ASTN1: variants seen among roughly 807,000 people sequenced by gnomAD.
The protein encoded by ASTN1 is astrotactin-1.
ASTN1 carries 41 observed loss-of-function variants against 140.7 expected under a neutral mutation model. The ratio of observed to expected loss-of-function variants is 0.29; its 90% CI spans 0.23 to 0.38. The LOEUF is 0.38. ASTN1 is among the 10% of genes least tolerant of loss of function. The pLI, the probability that ASTN1 is intolerant of heterozygous loss-of-function variation, is 1.00. For synonymous variants in ASTN1, 640 were observed against 652.2 expected, an observed-to-expected ratio of 0.98 and a Z score of 0.29; for missense variants, 1,479 against 1,678.8, an observed-to-expected ratio of 0.88 and a Z score of 2.08.
At chr1:176,858,598 G>A (rs1158495946), downstream of ASTN1, among the ~76,000 whole-genome samples, 1 of 152,146 alleles carries the variant, frequency 6.6e-6, no homozygotes, top group Non-Finnish European at 1.5e-5. Context: ...TCTTGGCTCT[G>A]AATCATCCTC....
Position 176,864,401 on chromosome 1 carries a change from G to C in ASTN1, c.3768C>G (p.Ser1256Arg). 1.2e-6 allele frequency: 2 copies of C among 1,614,098 alleles called. No homozygotes were observed. Among genetic ancestry groups the C allele is most frequent in the Non-Finnish European group, 1.7e-6 (2 of 1,180,014 alleles). Residue 1256 changes from serine to arginine, a missense_variant, in exon 23 of 23, where the codon AGC becomes AGG. Around this residue, in one of 3 missense-constraint regions of ASTN1, gnomAD observed 746 missense variants for 800.9 expected, o/e 0.93. Coordinates refer to ENST00000361833, the MANE Select transcript of ASTN1 (RefSeq NM_004319.3). ...AGTCAAGTCCGTAGGGTTTGATCTCGCTGTAGCGGCACCCCAGGTACTTGA... is the reference window on the plus strand; with the variant it reads ...AGTCAAGTCCGTAGGGTTTGATCTCCCTGTAGCGGCACCCCAGGTACTTGA... Reference protein sequence around the residue: ...SSLKYLGCRYSEIKPYGLDWA... With the variant: ...SSLKYLGCRYREIKPYGLDWA...
At chr1:177,093,548 T>C (rs993945265) in intron 1 of ASTN1, among the ~76,000 whole-genome samples, 2 of 152,146 alleles carry the variant, frequency 1.3e-5, no homozygotes, top group African/African-American at 4.8e-5. Context: ...AGGGCCACTA[T>C]CTAGAGACTT....
At chr1:176,968,260 T>A (rs1457938000) in intron 8 of ASTN1, among the ~76,000 whole-genome samples, 2 of 152,228 alleles carry the variant, frequency 1.3e-5, no homozygotes, top group African/African-American at 2.4e-5. Context: ...ACACATAGAA[T>A]CATTTGTTAA....
chr1:176,944,033 G>T lies in ASTN1; in HGVS notation c.2250-15C>A, dbSNP rs761653730. 20 of 1,612,364 alleles carry T rather than the reference G, an allele frequency of 1.2e-5. No homozygotes were observed. The highest frequency in any genetic ancestry group is 1.4e-5 in the Non-Finnish European group (17 of 1,179,476). On this transcript the variant is annotated splice_polypyrimidine_tract_variant and intron_variant, in intron 13 of 22. Coordinates refer to ENST00000361833, the MANE Select transcript of ASTN1 (RefSeq NM_004319.3). ...AGTTGTTTTGCCTAGAAAGAGGGTA[G>T]ACCTTCATTTCTGAGTGTTCAGGTG... is the stretch of plus-strand genomic sequence containing the variant.
intron 12 of ASTN1, among the ~76,000 whole-genome samples, chr1:176,948,809 C>T (rs901741272): frequency 1.2e-4 from 18 of 152,136 alleles, no homozygotes; most frequent in Admixed American, 7.2e-4. Flanking sequence ...CACTCTTTCC[C>T]GAGTTTTAAA....
intron 16 of ASTN1, among the ~76,000 whole-genome samples, chr1:176,897,222 C>T (rs891873798): frequency 7.0e-6 from 1 of 143,020 alleles, no homozygotes; most frequent in Non-Finnish European, 1.5e-5. Flanking sequence ...TTTCAGTGAG[C>T]CGAGATCACG....
intron 5 of ASTN1, among the ~76,000 whole-genome samples, chr1:177,025,480 T>C (rs1676060286): frequency 6.6e-6 from 1 of 152,042 alleles, no homozygotes; most frequent in Admixed American, 6.6e-5. Context: ...TTGGCTTTTT[T>C]TTTTCCTGTT....
intron 2 of ASTN1, among the ~76,000 whole-genome samples, chr1:177,055,707 T>C (rs967691621): frequency 1.3e-5 from 2 of 152,204 alleles, no homozygotes; most frequent in African/African-American, 4.8e-5. Context: ...TCTGGTAACA[T>C]ACAATATGCC....
chr1:176,959,600 C>T (rs1301016337), intron 9 of ASTN1, among the ~76,000 whole-genome samples: 1 of 152,132 alleles, frequency 6.6e-6, no homozygotes, highest in East Asian at 1.9e-4. Context: ...TAGAGAGCAG[C>T]CAAGCCACAT....
chr1:176,878,906 C>T (rs988834281), intron 20 of ASTN1, among the ~76,000 whole-genome samples: 1 of 152,138 alleles, frequency 6.6e-6, no homozygotes, highest in Non-Finnish European at 1.5e-5. Context: ...TCTAGGGGCC[C>T]GAGTGAGCCC....
At chr1:176,860,072 A>G (rs911663733), downstream of ASTN1, among the ~76,000 whole-genome samples, 2 of 152,184 alleles carry the variant, frequency 1.3e-5, no homozygotes, top group Non-Finnish European at 2.9e-5. Context: ...TGGTCTCAGC[A>G]CAGTGGCCTT....
At position 177,029,638 on chromosome 1, in the gene ASTN1, A is replaced by C. The variant is rs753290063; in HGVS notation, c.1116T>G (p.Ser372Arg). 4 of 1,613,128 alleles carry C rather than the reference A, an allele frequency of 2.5e-6. No homozygotes were observed. In the East Asian group the frequency reaches 8.9e-5, roughly 36 times the overall value. Residue 372 changes from serine to arginine, a missense_variant, in exon 5 of 23, where the codon AGT becomes AGG. Ser to Arg is a moderately radical substitution (Grantham distance 110). Coordinates refer to ENST00000361833, the MANE Select transcript of ASTN1 (RefSeq NM_004319.3). ...TGCCACCTCTATCATTCCTACCTCT[A>C]CTACGCCTCCTGCTCCTTGAAGGAT... is the stretch of plus-strand genomic sequence containing the variant. ...YTDPSRSRRR[S>R]RVGSPRSPVN... is the part of the protein sequence containing the mutation.
Position 176,862,695 on chromosome 1 carries a change from T to C in ASTN1, c.*1589A>G. On this transcript the variant is annotated 3_prime_UTR_variant, in exon 23 of 23. Coordinates refer to ENST00000361833, the MANE Select transcript of ASTN1 (RefSeq NM_004319.3). ...TGTATAACCTCTCTTTGCCTCGTTT[T>C]CCTCAACACTAAAATGGAGACAAGA... 1.1e-6 allele frequency: 1 copy of C among 907,196 alleles called. No individual in the cohort carries two copies. Among genetic ancestry groups the C allele is most frequent in the South Asian group, 5.1e-5 (1 of 19,706 alleles). 56.2% of individuals were successfully genotyped at this position (907,196 alleles called of 1,614,324 possible). A position where few individuals can be genotyped will look rare whatever the true frequency, so the allele number is the denominator to read the frequency against.
intron 1 of ASTN1, among the ~76,000 whole-genome samples, chr1:177,113,766 C>G (rs1240000974): frequency 6.6e-6 from 1 of 152,166 alleles, no homozygotes; most frequent in Non-Finnish European, 1.5e-5. Flanking sequence ...GTTACATGCC[C>G]TGCACAAACA....
At chr1:176,946,239 A>C in intron 12 of ASTN1, 119 bp from the exon 13 acceptor site, 2 of 981,820 alleles carry the variant, frequency 2.0e-6, no homozygotes, top group Non-Finnish European at 1.4e-6. Context: ...CAAAGATTAG[A>C]TTTCCAAGTT....
chr1:177,112,523 T>C (rs1267139044), intron 1 of ASTN1, among the ~76,000 whole-genome samples: 6 of 152,324 alleles, frequency 3.9e-5, no homozygotes, highest in South Asian at 2.1e-4. Flanking sequence ...AAGGCAGATA[T>C]GGGTAATGAG....
At chr1:177,037,815 C>T (rs6688052) in intron 2 of ASTN1, among the ~76,000 whole-genome samples, 3,580 of 152,136 alleles carry the variant, frequency 0.024, 143 homozygotes, top group African/African-American at 0.078. Context: ...CATCTATTAA[C>T]GAGTTCCTTG....
At chr1:177,062,964 C>T (rs151171217) in intron 1 of ASTN1, among the ~76,000 whole-genome samples, 325 of 152,236 alleles carry the variant, frequency 2.1e-3, no homozygotes, top group African/African-American at 7.5e-3. Flanking sequence ...AAAGAGTAAT[C>T]TTGTCTGGGT....
intron 8 of ASTN1, chr1:176,976,797 G>A (rs1392333678): frequency 6.6e-6 from 1 of 152,138 alleles, no homozygotes; most frequent in Non-Finnish European, 1.5e-5. Flanking sequence ...TGTTCAGCTC[G>A]CTTACTCCCG....
Sources: allele counts gnomAD v4.1 joint callset (sites outside exome capture counted in the v4.1 genomes callset), GRCh38; gene constraint gnomAD v4.1.1; regional missense constraint gnomAD v4.1.1; transcripts MANE v1.5; gene names NCBI Gene and HGNC (gene_info 2026-07-23, HGNC 2026-07-21).